MICAL1: variants seen among roughly 807,000 people sequenced by gnomAD.
MICAL1 encodes the protein [F-actin]-monooxygenase MICAL1.
Under a neutral mutation model 131.8 loss-of-function variants are expected in MICAL1, and 95 were observed. That is an observed-to-expected ratio of 0.72 (90% CI 0.61 to 0.86). The LOEUF (loss-of-function observed/expected upper bound fraction) is 0.86, where lower values mean the gene tolerates loss of function less well. MICAL1 is among the 40% of genes least tolerant of loss of function. MICAL1 has a pLI of 0.00. For missense variants in MICAL1, 1,292 were observed against 1,380.6 expected, an observed-to-expected ratio of 0.94 and a Z score of 1.02; for synonymous variants, 546 against 554.2, an observed-to-expected ratio of 0.99 and a Z score of 0.21.
intron 1 of MICAL1, chr6:109,465,486 CA>C (rs755133958): frequency 1.0e-5 from 7 of 686,006 alleles, no homozygotes; most frequent in Non-Finnish European, 1.7e-5. Flanking sequence ...TCCTAGAAAA[CA>C]AAAAAACATA....
chr6:109,456,357 G>C (rs752883638), upstream of MICAL1, among the ~76,000 whole-genome samples: 3 of 152,214 alleles, frequency 2.0e-5, no homozygotes, highest in Non-Finnish European at 4.4e-5. Flanking sequence ...TCCACGGCCC[G>C]GGCGCCCCAG....
chr6:109,456,086 G>A (rs1322033169), upstream of MICAL1: 25 of 930,142 alleles, frequency 2.7e-5, no homozygotes, highest in Non-Finnish European at 3.2e-5. Flanking sequence ...TGGGGGCTGA[G>A]GAGCTCGAGG....
upstream of MICAL1, among the ~76,000 whole-genome samples, chr6:109,457,655 A>G (rs1309875619): frequency 6.6e-6 from 1 of 152,110 alleles, no homozygotes; most frequent in Non-Finnish European, 1.5e-5. Context: ...ACTTACTACA[A>G]CTACAGCGGC....
Position 109,450,055 on chromosome 6 carries a change from G to C in MICAL1, c.1222C>G (p.Arg408Gly), listed in dbSNP as rs138265393. The C allele has an allele frequency of 6.2e-7, 1 of 1,613,928 alleles. No homozygotes were observed. The highest frequency in any genetic ancestry group is 1.3e-5 in the African/African-American group (1 of 74,868). ...GCATCAAAGGCTGCCAGGAAGCCCC[G>C]TGCCACTCCAGTGCCCAGGGGCCAG... is the stretch of plus-strand genomic sequence containing the variant. Reference protein sequence around the residue: ...PFWPLGTGVARGFLAAFDAAW... With the variant: ...PFWPLGTGVAGGFLAAFDAAW... Residue 408 changes from arginine to glycine, a missense_variant, in exon 9 of 25, where the codon CGG becomes GGG. By Grantham distance (125) the Arg-to-Gly change is moderately radical. Coordinates refer to ENST00000358807, the MANE Select transcript of MICAL1 (RefSeq NM_022765.4).
At chr6:109,445,335 A>G (rs2115323920) in intron 21 of MICAL1, 45 bp from the exon 22 acceptor site, 1 of 1,612,726 alleles carries the variant, frequency 6.2e-7, no homozygotes. Context: ...TAGGTTGCTC[A>G]AGAACAGAGC....
chr6:109,450,574 G>A lies in MICAL1; in HGVS notation c.934-17C>T, dbSNP rs1318402608. The A allele has an allele frequency of 6.3e-7, 1 of 1,589,110 alleles. No individual in the cohort carries two copies. Among genetic ancestry groups the A allele is most frequent in the Non-Finnish European group, 8.6e-7 (1 of 1,161,670 alleles). ...TGGCCAGTCCTGTATGGTCAACAGA[G>A]CAGAACCTCAGAGACCTCTGAGAGC... is the stretch of plus-strand genomic sequence containing the variant. On this transcript the variant is annotated splice_polypyrimidine_tract_variant and intron_variant, in intron 7 of 24. Transcript: ENST00000358807.
At chr6:109,447,610 T>A in intron 15 of MICAL1, 71 bp downstream of exon 15, 2 of 1,604,764 alleles carry the variant, frequency 1.2e-6, no homozygotes, top group Non-Finnish European at 1.7e-6. Flanking sequence ...GGATGAGAAA[T>A]AGGGAAGACA....
chr6:109,450,980 G>C (rs980252341), intron 7 of MICAL1, among the ~76,000 whole-genome samples: 1 of 151,998 alleles, frequency 6.6e-6, no homozygotes, highest in East Asian at 1.9e-4. Context: ...AATACATACC[G>C]AGCGCTTACT....
intron 21 of MICAL1, 33 bp downstream of exon 21, chr6:109,445,383 C>A (rs762149378): frequency 1.9e-6 from 3 of 1,613,480 alleles, no homozygotes; most frequent in Admixed American, 3.3e-5. Flanking sequence ...GAACTTTGAC[C>A]CCATCAGAAT....
rs1343972362 is a variant in MICAL1, at chr6:109,446,320, G to A, written c.2397C>T (p.Ser799=). 10 of 1,612,986 alleles carry A rather than the reference G, an allele frequency of 6.2e-6. No individual in the cohort carries two copies. Among genetic ancestry groups the A allele is most frequent in the Non-Finnish European group, 8.5e-6 (10 of 1,179,806 alleles). Residue 799 remains serine, a synonymous_variant, in exon 19 of 25, where the codon AGC becomes AGT. Coordinates refer to ENST00000358807, the MANE Select transcript of MICAL1 (RefSeq NM_022765.4). ...GGCGGATCTGCCGACGGGTGGGCTGGCTGGGATCTGGAACAGGACCGGCCC... is the reference window on the plus strand; with the variant it reads ...GGCGGATCTGCCGACGGGTGGGCTGACTGGGATCTGGAACAGGACCGGCCC... The part of the protein sequence containing the change: ...QEGAGPVPDP[S]QPTRRQIRLS...
In MICAL1 at chr6:109,452,631, T is replaced by A. The variant is rs749140122; in HGVS notation, c.572-16A>T. ...CAGCCACTCCCTAGGGCAGGGGGTA[T>A]GAGAGGCACAAAGGTGTAGAAGTCG... On this transcript the variant is annotated splice_polypyrimidine_tract_variant and intron_variant, in intron 4 of 24. Coordinates refer to ENST00000358807, the MANE Select transcript of MICAL1 (RefSeq NM_022765.4). 3.1e-6 allele frequency: 5 copies of A among 1,604,496 alleles called. No individual in the cohort carries two copies. Among genetic ancestry groups the A allele is most frequent in the Non-Finnish European group, 4.3e-6 (5 of 1,173,886 alleles).
At chr6:109,454,968 GGGGCCGTGGGTA>G (rs1444635712) in intron 1 of MICAL1, 2 of 152,304 alleles carry the variant, frequency 1.3e-5, no homozygotes, top group African/African-American at 4.8e-5. Flanking sequence ...CCTACTCCAG[GGGGCCGTGGGTA>G]GGGCTGGGGG....
chr6:109,451,933 G>T, intron 6 of MICAL1: 1 of 1,391,982 alleles, frequency 7.2e-7, no homozygotes, highest in Non-Finnish European at 9.3e-7. Flanking sequence ...GCATTTGGGA[G>T]ACCTGCACCA....
chr6:109,455,853 G>C, upstream of MICAL1: 5 of 985,692 alleles, frequency 5.1e-6, no homozygotes, highest in Non-Finnish European at 6.0e-6. This position sits in a 1 kb window ranked among gnomAD's most constrained non-coding sequence, Gnocchi z 4.7. Flanking sequence ...GGGCGGCCCG[G>C]GGCGTGCGCC....
upstream of MICAL1, among the ~76,000 whole-genome samples, chr6:109,459,383 G>A (rs192039309): frequency 3.9e-5 from 6 of 152,250 alleles, no homozygotes; most frequent in East Asian, 9.7e-4. Flanking sequence ...CAAGTGACAT[G>A]GTATAGTGAG....
chr6:109,445,317 G>T (rs747763651), intron 21 of MICAL1, 27 bp from the exon 22 acceptor site: 1 of 1,613,566 alleles, frequency 6.2e-7, no homozygotes, highest in Admixed American at 1.7e-5. Flanking sequence ...AGAATATCCA[G>T]GAGTCTCTAG....
chr6:109,448,961 G>T, intron 11 of MICAL1, 82 bp from the exon 12 acceptor site: 1 of 1,559,492 alleles, frequency 6.4e-7, no homozygotes, highest in South Asian at 1.2e-5. Context: ...GCATGTGGGG[G>T]TTCTGTAGGG....
chr6:109,453,629 G>C lies in MICAL1; in HGVS notation c.466+9C>G, dbSNP rs934204089. The C allele has an allele frequency of 3.8e-6, 6 of 1,586,868 alleles. No individual in the cohort carries two copies. In the African/African-American group the frequency reaches 8.1e-5, roughly 21 times the overall value. The stretch of plus-strand genomic sequence containing the variant: ...CACCCGCCCCTCCAGGCCACCACGT[G>C]GTGCTCACTGATGTGGTCCAGGGTG... On this transcript the variant is annotated intron_variant, in intron 3 of 24. Coordinates refer to ENST00000358807, the MANE Select transcript of MICAL1 (RefSeq NM_022765.4).
chr6:109,446,435 T>TGACCTGCCCAGGGTGGAGC, intron 18 of MICAL1, 23 bp from the exon 19 acceptor site: 1 of 1,610,834 alleles, frequency 6.2e-7, no homozygotes, highest in South Asian at 1.1e-5. Flanking sequence ...CCATGTGGAG[T>TGACCTGCCCAGGGTGGAGC]GAGGTCGGGG....
Sources: gnomAD v4.1 joint callset for allele counts (sites outside exome capture counted in the v4.1 genomes callset) on GRCh38, gnomAD v4.1.1 for gene constraint, Gnocchi (gnomAD v3.1) non-coding constraint, MANE v1.5 for transcripts, NCBI Gene and HGNC (gene_info 2026-07-23, HGNC 2026-07-21) for gene names.